Variants in PLEKHG5 observed in about 807,000 individuals in gnomAD.
PLEKHG5 encodes the protein pleckstrin homology domain-containing family G member 5.
Under a neutral mutation model 103.8 loss-of-function variants are expected in PLEKHG5, and 52 were observed. That is an observed-to-expected ratio of 0.50 (90% CI 0.40 to 0.63). The LOEUF (loss-of-function observed/expected upper bound fraction) is 0.63, where lower values mean the gene tolerates loss of function less well. Ranked by LOEUF, PLEKHG5 falls within the 30% of genes least tolerant of loss-of-function variation. PLEKHG5 has a pLI of 0.00. For missense variants in PLEKHG5, 1,205 were observed against 1,347.6 expected, an observed-to-expected ratio of 0.89 and a Z score of 1.66; for synonymous variants, 592 against 575.5, an observed-to-expected ratio of 1.03 and a Z score of -0.41.
rs1553173486 is a variant in PLEKHG5, at chr1:6,469,258, G to T, written c.2050-17C>A. 6.2e-7 allele frequency: 1 copy of T among 1,613,922 alleles called. No individual in the cohort carries two copies. The highest frequency in any genetic ancestry group is 8.5e-7 in the Non-Finnish European group (1 of 1,180,000). ...CAGCTGGTTCTGCAGGCAAGGTTGG[G>T]GTACATGGGACAGAATGGGTTGTGA... On this transcript the variant is annotated splice_polypyrimidine_tract_variant and intron_variant, in intron 18 of 20. Transcript: ENST00000377728.
At chr1:6,495,846 C>T (rs1209419509), upstream of PLEKHG5, among the ~76,000 whole-genome samples, 1 of 152,258 alleles carries the variant, frequency 6.6e-6, no homozygotes, top group East Asian at 1.9e-4. Context: ...TGCAGAGCTG[C>T]CGCAATCAGT....
At chr1:6,475,632 TA>T (rs1644745559) in intron 3 of PLEKHG5, 110 bp from the exon 4 acceptor site, 1 of 964,426 alleles carries the variant, frequency 1.0e-6, no homozygotes, top group Non-Finnish European at 1.7e-6. Context: ...AGGTGACAGG[TA>T]ACCCGCGTGG....
intron 1 of PLEKHG5, among the ~76,000 whole-genome samples, chr1:6,479,635 CAG>C (rs1557753406): frequency 6.6e-6 from 1 of 150,864 alleles, no homozygotes; most frequent in Non-Finnish European, 1.5e-5. Flanking sequence ...TTCTTCAAGA[CAG>C]GGTCTCGCTC....
In PLEKHG5 at chr1:6,470,614, G is replaced by T. The variant is rs373184968; in HGVS notation, c.1572C>A (p.His524Gln). The change falls in exon 15 of 21, where the codon CAC (histidine) becomes CAA (glutamine). Residue 524 changes from histidine (H) to glutamine (Q), a missense_variant. Coordinates refer to ENST00000377728, the MANE Select transcript of PLEKHG5 (RefSeq NM_020631.6). ...MIGSVERFIH[H>Q]VNACMRQRQE... is the part of the protein sequence containing the mutation. ...GCCGCTGCCGCATGCACGCGTTCAC[G>T]TGGTGGATGAAGCGCTCCACGGAGC... The T allele has an allele frequency of 1.3e-6, 2 of 1,594,536 alleles. No individual in the cohort carries two copies. Among genetic ancestry groups the T allele is most frequent in the South Asian group, 1.1e-5 (1 of 89,746 alleles).
intron 1 of PLEKHG5, among the ~76,000 whole-genome samples, chr1:6,479,598 G>T (rs1176894598): frequency 6.7e-6 from 1 of 148,916 alleles, no homozygotes; most frequent in East Asian, 2.0e-4. Flanking sequence ...GTTTTTTGTG[G>T]TCTTTTATTA....
At chr1:6,497,295 C>A, upstream of PLEKHG5, 1 of 1,028,740 alleles carries the variant, frequency 9.7e-7, no homozygotes, top group South Asian at 1.4e-5. This position sits in a 1 kb window ranked among gnomAD's most constrained non-coding sequence, Gnocchi z 6.1. Flanking sequence ...CGCCCCGCGT[C>A]CGCCGGGTCC....
Position 6,490,648 on chromosome 1 carries a change from C to A in PLEKHG5, c.-88+989G>T, listed in dbSNP as rs543628066. ...TACCACCTGGACCGGCCGGGATGTACCAACGGCGCCGCCCGGCTGGGACCG... is the reference window on the plus strand; with the variant it reads ...TACCACCTGGACCGGCCGGGATGTAACAACGGCGCCGCCCGGCTGGGACCG... On this transcript the variant is annotated intron_variant, in intron 1 of 20. Transcript: ENST00000377728. This position sits in a 1 kb window ranked among gnomAD's most constrained non-coding sequence, Gnocchi z 8.0. 5.1e-6 allele frequency: 5 copies of A among 974,052 alleles called. No individual in the cohort carries two copies. In the South Asian group the frequency reaches 2.4e-4, roughly 46 times the overall value. 60.3% of individuals were successfully genotyped at this position (974,052 alleles called of 1,614,324 possible). A position where few individuals can be genotyped will look rare whatever the true frequency, so the allele number is the denominator to read the frequency against.
chr1:6,492,080 C>T (rs1409469511), upstream of PLEKHG5, among the ~76,000 whole-genome samples: 1 of 152,196 alleles, frequency 6.6e-6, no homozygotes, highest in Non-Finnish European at 1.5e-5. Flanking sequence ...CATTTTACCT[C>T]GCCACTCTGC....
intron 1 of PLEKHG5, among the ~76,000 whole-genome samples, chr1:6,479,769 G>A (rs957016552): frequency 2.6e-5 from 4 of 152,004 alleles, no homozygotes; most frequent in African/African-American, 9.7e-5. Flanking sequence ...ATGCCACTAC[G>A]CCCAACTAAC....
chr1:6,475,254 CACCCTCCTTCCCA>C (rs1644731228), intron 4 of PLEKHG5, 116 bp from the exon 5 acceptor site: 7 of 676,024 alleles, frequency 1.0e-5, no homozygotes, highest in Admixed American at 4.2e-5. Flanking sequence ...CCCTCCTTCC[CACCCTCCTTCCCA>C]ACCCTCCTCC....
Position 6,469,145 on chromosome 1 carries a change from C to CTTCCTCCTCCTG in PLEKHG5, c.2145_2146insCAGGAGGAGGAA (p.Glu715_Glu716insGlnGluGluGlu). On this transcript the variant is annotated inframe_insertion, in exon 19 of 21. Coordinates refer to ENST00000377728, the MANE Select transcript of PLEKHG5 (RefSeq NM_020631.6). The stretch of plus-strand genomic sequence containing the variant: ...CCTTCCTCCTCCTCCTCCTCCTCCT[C>CTTCCTCCTCCTG]CTCTTCCTCCTCCTGCTCATCCTCC... 6.2e-7 allele frequency: 1 copy of CTTCCTCCTCCTG among 1,612,576 alleles called. No individual in the cohort carries two copies. Among genetic ancestry groups the CTTCCTCCTCCTG allele is most frequent in the Middle Eastern group, 1.7e-4 (1 of 6,056 alleles).
chr1:6,469,285 C>T, intron 18 of PLEKHG5, 44 bp from the exon 19 acceptor site: 9 of 1,613,302 alleles, frequency 5.6e-6, no homozygotes, highest in Non-Finnish European at 7.6e-6. Context: ...GGGTTGTGAC[C>T]AGCATCTCCC....
intron 1 of PLEKHG5, among the ~76,000 whole-genome samples, chr1:6,507,096 T>A (rs1569997205): frequency 6.6e-6 from 1 of 151,700 alleles, no homozygotes; most frequent in Non-Finnish European, 1.5e-5. Context: ...GATTCCAGAG[T>A]GTTGTCCAAA....
chr1:6,477,212 G>GC (rs1409115878), intron 2 of PLEKHG5, among the ~76,000 whole-genome samples: 1 of 152,192 alleles, frequency 6.6e-6, no homozygotes, highest in Non-Finnish European at 1.5e-5. Flanking sequence ...GAAGTCCCCT[G>GC]CCCTGAGGAT....
intron 2 of PLEKHG5, among the ~76,000 whole-genome samples, 180 bp downstream of exon 2, chr1:6,477,349 C>T (rs940474821): frequency 6.6e-6 from 1 of 152,234 alleles, no homozygotes; most frequent in African/African-American, 2.4e-5. Flanking sequence ...CTGGAAGGGG[C>T]ACGCTCATGG....
chr1:6,483,121 G>A (rs531857532), intron 1 of PLEKHG5, among the ~76,000 whole-genome samples: 25 of 152,360 alleles, frequency 1.6e-4, no homozygotes, highest in African/African-American at 6.0e-4. Flanking sequence ...ATCTCAGTTT[G>A]ATGCAAGCCC....
intron 3 of PLEKHG5, 43 bp downstream of exon 3, chr1:6,475,888 G>A: frequency 2.7e-6 from 4 of 1,491,582 alleles, no homozygotes; most frequent in Non-Finnish European, 3.7e-6. Flanking sequence ...ACCCAGCCGT[G>A]GGGCCCTCCA....
At chr1:6,510,317 G>C (rs945654164) in intron 1 of PLEKHG5, among the ~76,000 whole-genome samples, 3 of 152,196 alleles carry the variant, frequency 2.0e-5, no homozygotes, top group Non-Finnish European at 4.4e-5. Context: ...GCCCGGCCGG[G>C]CACAGTGGCT....
At chr1:6,519,709 A>G (rs1638721237) in exon 1 of PLEKHG5, 2 of 628,130 alleles carry the variant, frequency 3.2e-6, no homozygotes, top group African/African-American at 1.8e-5. Context: ...AGGCGCTCTC[A>G]GCCCTGCCAA....
Sources: gnomAD v4.1 joint callset for allele counts (sites outside exome capture counted in the v4.1 genomes callset) on GRCh38, gnomAD v4.1.1 for gene constraint, Gnocchi (gnomAD v3.1) non-coding constraint, MANE v1.5 for transcripts, NCBI Gene and HGNC (gene_info 2026-07-23, HGNC 2026-07-21) for gene names.